The following KHDRBS2 variants were observed in gnomAD, a reference collection of about 807,000 sequenced individuals.
The protein encoded by KHDRBS2 is KH RNA binding domain containing, signal transduction associated 2.
In KHDRBS2, 26 loss-of-function variants were observed where a neutral mutation model predicts 44.3. The ratio of observed to expected loss-of-function variants is 0.59; its 90% CI spans 0.43 to 0.81. The LOEUF (loss-of-function observed/expected upper bound fraction) is 0.81, where lower values mean the gene tolerates loss of function less well. KHDRBS2 is among the 40% of genes least tolerant of loss of function. The pLI is 0.00. For missense variants in KHDRBS2, 476 were observed against 433.1 expected, an observed-to-expected ratio of 1.10 and a Z score of -0.88; for synonymous variants, 194 against 151.1, an observed-to-expected ratio of 1.28 and a Z score of -2.08.
chr6:61,969,736 TC>T (rs1770921041), intron 4 of KHDRBS2, among the ~76,000 whole-genome samples: 1 of 151,968 alleles, frequency 6.6e-6, no homozygotes, highest in Non-Finnish European at 1.5e-5. Flanking sequence ...GCATTTTCAA[TC>T]CCTTCAGTAT....
chr6:61,746,200 G>A (rs957205473), intron 6 of KHDRBS2, among the ~76,000 whole-genome samples: 4 of 152,108 alleles, frequency 2.6e-5, no homozygotes, highest in Non-Finnish European at 4.4e-5. Flanking sequence ...TGTTAATGCT[G>A]TCATGACTAA....
chr6:61,650,793 G>C, the KHDRBS2 span, among the ~76,000 whole-genome samples: 2 of 151,986 alleles, frequency 1.3e-5, no homozygotes, highest in South Asian at 4.2e-4. Flanking sequence ...GATAAAATAA[G>C]AGTAATTATC....
intron 2 of KHDRBS2, among the ~76,000 whole-genome samples, chr6:62,085,039 T>C (rs1798139559): frequency 6.6e-6 from 1 of 152,146 alleles, no homozygotes; most frequent in Non-Finnish European, 1.5e-5. Context: ...TAAAATTATC[T>C]GCACAATAGT....
At chr6:61,573,632 A>G in the KHDRBS2 span, among the ~76,000 whole-genome samples, 1 of 152,058 alleles carries the variant, frequency 6.6e-6, no homozygotes, top group African/African-American at 2.4e-5. Flanking sequence ...TCTACTAAAA[A>G]TACAAAATTA....
chr6:61,752,126 G>A (rs1484093249), intron 6 of KHDRBS2, among the ~76,000 whole-genome samples: 1 of 152,118 alleles, frequency 6.6e-6, no homozygotes, highest in Non-Finnish European at 1.5e-5. Context: ...GGAGGAAGAC[G>A]CAATTCCACC....
At chr6:61,578,001 A>G in the KHDRBS2 span, among the ~76,000 whole-genome samples, 1 of 152,064 alleles carries the variant, frequency 6.6e-6, no homozygotes, top group Non-Finnish European at 1.5e-5. Context: ...GTCTCTCTTC[A>G]TTAATAAAAC....
intron 6 of KHDRBS2, among the ~76,000 whole-genome samples, chr6:61,755,400 T>C (rs1778341854): frequency 6.6e-6 from 1 of 152,128 alleles, no homozygotes; most frequent in African/African-American, 2.4e-5. Context: ...AACCTCCTAA[T>C]GAGGCTAAAA....
chr6:62,144,948 T>C (rs1406215819), intron 2 of KHDRBS2, among the ~76,000 whole-genome samples: 1 of 151,926 alleles, frequency 6.6e-6, no homozygotes, highest in Non-Finnish European at 1.5e-5. Flanking sequence ...CCAAATTGTT[T>C]TGAACAGGAT....
chr6:61,815,051 AACG>A (rs1242701722), intron 6 of KHDRBS2, among the ~76,000 whole-genome samples: 1 of 152,150 alleles, frequency 6.6e-6, no homozygotes, highest in Non-Finnish European at 1.5e-5. Flanking sequence ...TTTAGGAAAT[AACG>A]ACAATAGTCT....
the KHDRBS2 span, among the ~76,000 whole-genome samples, chr6:61,634,392 G>A: frequency 1.3e-5 from 2 of 151,982 alleles, no homozygotes; most frequent in Admixed American, 6.6e-5. Context: ...TAATGAACAT[G>A]CTCACAACTC....
intron 4 of KHDRBS2, among the ~76,000 whole-genome samples, chr6:61,930,004 C>T (rs1280705370): frequency 2.0e-5 from 3 of 152,010 alleles, no homozygotes; most frequent in African/African-American, 7.2e-5. Context: ...GATGTAAGGC[C>T]TTAAAGAGGT....
chr6:61,821,422 T>C (rs1789894759), intron 6 of KHDRBS2, among the ~76,000 whole-genome samples: 1 of 151,972 alleles, frequency 6.6e-6, no homozygotes, highest in African/African-American at 2.4e-5. Context: ...CACTGCATCA[T>C]TAGTGGACAC....
intron 4 of KHDRBS2, among the ~76,000 whole-genome samples, chr6:61,924,397 C>T (rs1341593024): frequency 6.6e-6 from 1 of 152,002 alleles, no homozygotes; most frequent in Non-Finnish European, 1.5e-5. Context: ...GTGACTGTTT[C>T]ACAGCTGCAT....
chr6:62,145,865 T>C (rs1440537885), intron 2 of KHDRBS2, among the ~76,000 whole-genome samples: 2 of 151,876 alleles, frequency 1.3e-5, no homozygotes, highest in African/African-American at 4.8e-5. Context: ...TTATCTAAAA[T>C]ATTGTATAAA....
intron 2 of KHDRBS2, among the ~76,000 whole-genome samples, chr6:62,112,555 A>C (rs1805257350): frequency 6.6e-6 from 1 of 152,190 alleles, no homozygotes; most frequent in African/African-American, 2.4e-5. Context: ...TGAGGAGAAT[A>C]AAATAGATGA....
intron 8 of KHDRBS2, among the ~76,000 whole-genome samples, chr6:61,690,620 T>A (rs1317130817): frequency 6.6e-6 from 1 of 152,072 alleles, no homozygotes; most frequent in Non-Finnish European, 1.5e-5. Context: ...TAGTTACTTA[T>A]GTTTATTACT....
intron 6 of KHDRBS2, among the ~76,000 whole-genome samples, chr6:61,893,695 A>C (rs976402451): frequency 6.6e-6 from 1 of 152,158 alleles, no homozygotes; most frequent in Non-Finnish European, 1.5e-5. Flanking sequence ...TGGGAATTGA[A>C]CAATGGGAAC....
At chr6:61,910,457 C>T (rs1805853017) in intron 4 of KHDRBS2, among the ~76,000 whole-genome samples, 1 of 152,110 alleles carries the variant, frequency 6.6e-6, no homozygotes, top group Non-Finnish European at 1.5e-5. Context: ...GGCTTTGTAT[C>T]TTAAATGGTG....
chr6:62,100,088 T>A (rs1584694692), intron 2 of KHDRBS2, among the ~76,000 whole-genome samples: 2 of 152,084 alleles, frequency 1.3e-5, no homozygotes, highest in South Asian at 4.2e-4. Context: ...GGTCAAAATA[T>A]CAACATCAAC....
Sources: gnomAD v4.1 joint callset for allele counts (sites outside exome capture counted in the v4.1 genomes callset) on GRCh38, gnomAD v4.1.1 for gene constraint, MANE v1.5 for transcripts, NCBI Gene and HGNC (gene_info 2026-07-23, HGNC 2026-07-21) for gene names.